KDM4C: variants seen among roughly 807,000 people sequenced by gnomAD.
KDM4C encodes the protein lysine-specific demethylase 4C.
KDM4C carries 81 observed loss-of-function variants against 129.3 expected under a neutral mutation model. The observed-to-expected ratio is 0.63, with a 90% CI of 0.52 to 0.75. The LOEUF is 0.75. KDM4C is among the 30% of genes least tolerant of loss of function. The pLI is 0.00. For synonymous variants in KDM4C, 573 were observed against 456.1 expected (o/e 1.26, Z -3.26); for missense variants, 1,457 against 1,304.0 (o/e 1.12, Z -1.81).
rs13291324 is a variant in KDM4C, at chr9:7,161,434, C to T, written c.2782-3804C>T. The stretch of plus-strand genomic sequence containing the variant: ...CATCAATCACGCTGAGAGCTGCAGA[C>T]GGGAGCTGTTCCTATTTGGCCATCT... On this transcript the variant is annotated intron_variant, in intron 19 of 21. Transcript: ENST00000381309. 4.6e-3 allele frequency among the ~76,000 whole-genome samples: 706 copies of T among 152,002 alleles called. 4 individuals are homozygous for T. Among genetic ancestry groups the T allele is most frequent in the Non-Finnish European group, 7.9e-3 (536 of 67,978 alleles).
intron 11 of KDM4C, among the ~76,000 whole-genome samples, chr9:6,989,422 G>C (rs969253643): frequency 6.6e-6 from 1 of 152,138 alleles, no homozygotes; most frequent in African/African-American, 2.4e-5. Context: ...GCGAGCAAGA[G>C]AGCTTAAAAG....
intron 14 of KDM4C, chr9:7,014,248 C>T: frequency 7.2e-6 from 3 of 419,458 alleles, no homozygotes; most frequent in Non-Finnish European, 1.3e-5. Flanking sequence ...TGTTTGGGGT[C>T]CAGTTGAGGA....
intron 17 of KDM4C, among the ~76,000 whole-genome samples, chr9:7,072,361 TG>T (rs1833319327): frequency 6.6e-6 from 1 of 152,152 alleles, no homozygotes; most frequent in South Asian, 2.1e-4. Flanking sequence ...ACCCAAAAAA[TG>T]GAAGCAACTC....
At chr9:7,000,334 G>C (rs1364653426) in intron 12 of KDM4C, among the ~76,000 whole-genome samples, 8 of 152,128 alleles carry the variant, frequency 5.3e-5, no homozygotes, top group Non-Finnish European at 8.8e-5. Flanking sequence ...ATGTGATGCT[G>C]TTGCTTTCTG....
At chr9:6,920,522 C>G (rs1258989548) in intron 8 of KDM4C, among the ~76,000 whole-genome samples, 1 of 150,854 alleles carries the variant, frequency 6.6e-6, no homozygotes, top group South Asian at 2.1e-4. Flanking sequence ...GAGATCGTTC[C>G]ACTGCACTCC....
chr9:7,075,000 C>T (rs960727805), intron 17 of KDM4C, among the ~76,000 whole-genome samples: 1 of 152,108 alleles, frequency 6.6e-6, no homozygotes, highest in Admixed American at 6.6e-5. Flanking sequence ...ATGATGAACT[C>T]ATTAATTTGT....
chr9:7,045,221 G>A (rs904028958), intron 15 of KDM4C, among the ~76,000 whole-genome samples: 8 of 152,022 alleles, frequency 5.3e-5, no homozygotes, highest in Non-Finnish European at 1.2e-4. Flanking sequence ...CTGCTGCGCT[G>A]TATTTGACTT....
At chr9:7,082,448 C>T (rs1280449099) in intron 17 of KDM4C, among the ~76,000 whole-genome samples, 1 of 152,202 alleles carries the variant, frequency 6.6e-6, no homozygotes, top group East Asian at 1.9e-4. Flanking sequence ...CAAACCATCA[C>T]TGGATTTTCC....
chr9:6,958,506 C>A (rs10975937), intron 8 of KDM4C, among the ~76,000 whole-genome samples: 2 of 151,418 alleles, frequency 1.3e-5, no homozygotes, highest in African/African-American at 4.9e-5. Flanking sequence ...ATAATTGCTC[C>A]AACCAGGGAG....
At chr9:6,969,725 A>C (rs1831622318) in intron 8 of KDM4C, among the ~76,000 whole-genome samples, 2 of 152,152 alleles carry the variant, frequency 1.3e-5, no homozygotes, top group South Asian at 4.1e-4. Flanking sequence ...TTTTATTTAA[A>C]ATTTTTTTTC....
At chr9:7,135,354 G>C (rs1203183733) in intron 19 of KDM4C, among the ~76,000 whole-genome samples, 1 of 152,174 alleles carries the variant, frequency 6.6e-6, no homozygotes, top group East Asian at 1.9e-4. Flanking sequence ...CCAAAGGACA[G>C]GTTCCTGGCA....
At chr9:6,838,390 T>C (rs993686496) in intron 4 of KDM4C, among the ~76,000 whole-genome samples, 1 of 152,184 alleles carries the variant, frequency 6.6e-6, no homozygotes, top group Non-Finnish European at 1.5e-5. Context: ...GGAATAATTC[T>C]GGATCTAAAT....
At chr9:6,788,569 G>A (rs1258982857) in intron 1 of KDM4C, among the ~76,000 whole-genome samples, 2 of 152,074 alleles carry the variant, frequency 1.3e-5, no homozygotes, top group Non-Finnish European at 2.9e-5. Flanking sequence ...CCTGAATTTG[G>A]TATCATTATG....
chr9:7,027,299 C>T (rs1587019832), intron 15 of KDM4C, among the ~76,000 whole-genome samples: 1 of 152,216 alleles, frequency 6.6e-6, no homozygotes. Flanking sequence ...TTAGCAGACA[C>T]CCCAAGCTCA....
chr9:7,120,284 G>A (rs1839356732), intron 18 of KDM4C, among the ~76,000 whole-genome samples: 1 of 151,994 alleles, frequency 6.6e-6, no homozygotes, highest in South Asian at 2.1e-4. Flanking sequence ...CCTTCTTCAG[G>A]TTGTAATCAT....
intron 15 of KDM4C, among the ~76,000 whole-genome samples, chr9:7,041,620 GTA>G (rs1305520764): frequency 6.6e-6 from 1 of 151,870 alleles, no homozygotes; most frequent in African/African-American, 2.4e-5. Flanking sequence ...ACTGAAATGA[GTA>G]TTATTATTTC....
intron 5 of KDM4C, among the ~76,000 whole-genome samples, chr9:6,852,309 A>C (rs544112351): frequency 6.6e-6 from 1 of 152,216 alleles, no homozygotes; most frequent in Non-Finnish European, 1.5e-5. Flanking sequence ...AGCTTAGGAC[A>C]CGAGGGCCCA....
intron 4 of KDM4C, among the ~76,000 whole-genome samples, chr9:6,832,842 C>T (rs1173854122): frequency 6.6e-6 from 1 of 151,318 alleles, no homozygotes; most frequent in Admixed American, 6.6e-5. Context: ...ATTCTCCTGC[C>T]TCAGACTCTG....
At chr9:7,045,534 G>T (rs1259564492) in intron 15 of KDM4C, among the ~76,000 whole-genome samples, 1 of 151,974 alleles carries the variant, frequency 6.6e-6, no homozygotes, top group Non-Finnish European at 1.5e-5. Flanking sequence ...TTTGGATTGT[G>T]AAATTTTGCT....
Sources: allele counts gnomAD v4.1 joint callset (sites outside exome capture counted in the v4.1 genomes callset), GRCh38; gene constraint gnomAD v4.1.1; transcripts MANE v1.5; gene names NCBI Gene and HGNC (gene_info 2026-07-23, HGNC 2026-07-21).